The following PPTC7 variants were observed in gnomAD, a reference collection of about 807,000 sequenced individuals.
The protein encoded by PPTC7 is protein phosphatase PTC7 homolog.
In PPTC7, 6 loss-of-function variants were observed where a neutral mutation model predicts 30.8. The observed-to-expected ratio is 0.19, with a 90% CI of 0.11 to 0.38. The LOEUF (loss-of-function observed/expected upper bound fraction) is 0.38. Ranked by LOEUF, PPTC7 falls within the 10% of genes least tolerant of loss-of-function variation. The pLI, the probability that PPTC7 is intolerant of heterozygous loss-of-function variation, is 1.00. For missense variants in PPTC7, 218 were observed against 404.8 expected, an observed-to-expected ratio of 0.54 and a Z score of 3.96; for synonymous variants, 163 against 168.1, an observed-to-expected ratio of 0.97 and a Z score of 0.23.
intron 3 of PPTC7, among the ~76,000 whole-genome samples, chr12:110,542,230 A>G (rs1488069639): frequency 6.6e-6 from 1 of 152,172 alleles, no homozygotes; most frequent in East Asian, 1.9e-4. Context: ...AATTGGGGGA[A>G]AAAACTCTTC....
intron 1 of PPTC7, among the ~76,000 whole-genome samples, chr12:110,575,127 C>T (rs115643764): frequency 2.0e-5 from 3 of 151,786 alleles, no homozygotes; most frequent in Admixed American, 6.6e-5. Flanking sequence ...GACTCCCAAA[C>T]AAGACAGACT....
intron 1 of PPTC7, among the ~76,000 whole-genome samples, chr12:110,579,205 A>G (rs2064615614): frequency 6.6e-6 from 1 of 152,126 alleles, no homozygotes; most frequent in East Asian, 1.9e-4. Flanking sequence ...AGTCACCATC[A>G]TATGAACTGG....
At chr12:110,573,371 T>C (rs1291325177) in intron 1 of PPTC7, among the ~76,000 whole-genome samples, 2 of 152,330 alleles carry the variant, frequency 1.3e-5, no homozygotes, top group South Asian at 2.1e-4. Flanking sequence ...TGATGGGCTA[T>C]ACATGCAGGA....
In PPTC7 at chr12:110,551,861, C is replaced by G; in HGVS notation, c.331G>C (p.Val111Leu). ...AGAATTCCAATGGGATTACTAGGTA[C>G]GAACCGTCCTTCTTTTACTAAACGT... ...CERLVKEGRF[V>L]PSNPIGILTT... Residue 111 changes from valine (V) to leucine (L), a missense_variant, in exon 2 of 6, where the codon GTA becomes CTA. By Grantham distance (32) the Val-to-Leu change is conservative. Transcript: ENST00000354300. 6.2e-7 allele frequency: 1 copy of G among 1,614,150 alleles called. No homozygotes were observed.
At position 110,566,091 on chromosome 12, in the gene PPTC7, A is replaced by G. The variant is rs141729891; in HGVS notation, c.224-14123T>C. On this transcript the variant is annotated intron_variant, in intron 1 of 5. Coordinates refer to ENST00000354300, the MANE Select transcript of PPTC7 (RefSeq NM_139283.2). ...AAACTTGACCTCCAGGTAAATGTCT[A>G]TTACATTCATGCCAGGAACCTCTCA... Among the ~76,000 whole-genome samples the G allele has an allele frequency of 1.4e-4, 21 of 152,324 alleles. No homozygotes were observed. In the East Asian group the frequency reaches 3.5e-3, roughly 25 times the overall value.
At chr12:110,574,010 C>CT (rs1447206844) in intron 1 of PPTC7, among the ~76,000 whole-genome samples, 2 of 150,860 alleles carry the variant, frequency 1.3e-5, no homozygotes, top group Non-Finnish European at 3.0e-5. Context: ...AATAAAGGCA[C>CT]TACACAGGCT....
chr12:110,542,673 CAAAAA>C (rs765332697), intron 3 of PPTC7, among the ~76,000 whole-genome samples: 2 of 26,790 alleles, frequency 7.5e-5, no homozygotes, highest in African/African-American at 3.5e-4. Context: ...GACTCTGTCT[CAAAAA>C]AAAAAAAAAA....
intron 2 of PPTC7, among the ~76,000 whole-genome samples, chr12:110,550,773 T>A (rs944321053): frequency 5.3e-5 from 8 of 152,214 alleles, no homozygotes; most frequent in African/African-American, 1.9e-4. Context: ...TACAAGATTA[T>A]CGGGGATCTA....
At chr12:110,553,313 C>T (rs945224005) in intron 1 of PPTC7, among the ~76,000 whole-genome samples, 10 of 151,524 alleles carry the variant, frequency 6.6e-5, no homozygotes, top group Non-Finnish European at 1.2e-4. Context: ...TCACGCCTGG[C>T]TTTTTTGTAT....
At chr12:110,552,514 A>G (rs1010467847) in intron 1 of PPTC7, among the ~76,000 whole-genome samples, 1 of 152,188 alleles carries the variant, frequency 6.6e-6, no homozygotes, top group Non-Finnish European at 1.5e-5. Context: ...CATTCCTTAC[A>G]TGGTTACTGA....
At chr12:110,569,839 G>T (rs1204270401) in intron 1 of PPTC7, among the ~76,000 whole-genome samples, 1 of 152,226 alleles carries the variant, frequency 6.6e-6, no homozygotes, top group Non-Finnish European at 1.5e-5. Flanking sequence ...GATTTAGAGA[G>T]TGGAAACAGT....
At chr12:110,581,512 T>C (rs2135801800) in intron 1 of PPTC7, among the ~76,000 whole-genome samples, 1 of 152,316 alleles carries the variant, frequency 6.6e-6, no homozygotes, top group South Asian at 2.1e-4. Context: ...GGGGTGGATT[T>C]GTACAATTTC....
In PPTC7 at chr12:110,582,795, G is replaced by T; in HGVS notation, c.223+14C>A. The T allele has an allele frequency of 6.5e-7, 1 of 1,548,760 alleles. No individual in the cohort carries two copies. Among genetic ancestry groups the T allele is most frequent in the Non-Finnish European group, 8.7e-7 (1 of 1,146,568 alleles). Reference sequence around the variant, plus strand: ...ATCCGAGGCTGGGGCAAGGGAACCGGGTCGGGGACTCACCGAGCACGTCCG... The same window carrying T: ...ATCCGAGGCTGGGGCAAGGGAACCGTGTCGGGGACTCACCGAGCACGTCCG... On this transcript the variant is annotated intron_variant, in intron 1 of 5. Transcript: ENST00000354300.
intron 2 of PPTC7, among the ~76,000 whole-genome samples, chr12:110,550,969 T>A (rs2064345930): frequency 6.6e-6 from 1 of 152,252 alleles, no homozygotes; most frequent in Non-Finnish European, 1.5e-5. Context: ...TTTAACTTTT[T>A]ATGTTTCTAA....
chr12:110,560,489 G>A (rs1318335632), intron 1 of PPTC7, among the ~76,000 whole-genome samples: 1 of 152,084 alleles, frequency 6.6e-6, no homozygotes, highest in Non-Finnish European at 1.5e-5. Context: ...TCACCTAACT[G>A]TGTAATTGCA....
rs142381045 is a variant in PPTC7, at chr12:110,578,358, C to T, written c.223+4451G>A. ...GAAGAAGGAACAAGAAAAGTGTACACGGCTCCCGCTAGTACTGGTTTACTC... is the reference window on the plus strand; with the variant it reads ...GAAGAAGGAACAAGAAAAGTGTACATGGCTCCCGCTAGTACTGGTTTACTC... On this transcript the variant is annotated intron_variant, in intron 1 of 5. Coordinates refer to ENST00000354300, the MANE Select transcript of PPTC7 (RefSeq NM_139283.2). 5.3e-5 allele frequency among the ~76,000 whole-genome samples: 8 copies of T among 152,278 alleles called. No homozygotes were observed. In the South Asian group the frequency reaches 8.3e-4, roughly 16 times the overall value.
intron 1 of PPTC7, among the ~76,000 whole-genome samples, chr12:110,562,587 G>A (rs1440173442): frequency 6.6e-6 from 1 of 152,018 alleles, no homozygotes; most frequent in Non-Finnish European, 1.5e-5. Context: ...GAGGTCAGGA[G>A]TTTGAGACCA....
rs888944853 is a variant in PPTC7, at chr12:110,568,222, G to A, written c.223+14587C>T. Among the ~76,000 whole-genome samples, 35 of 151,182 alleles carry A rather than the reference G, an allele frequency of 2.3e-4. 1 individual carries two copies. Among genetic ancestry groups the A allele is most frequent in the Admixed American group, 1.3e-4 (2 of 15,170 alleles). ...GCTTACTGAAAAACCCTTCTCTTAAGGCCTGACGTTGTGCCCCTACAATCT... is the reference window on the plus strand; with the variant it reads ...GCTTACTGAAAAACCCTTCTCTTAAAGCCTGACGTTGTGCCCCTACAATCT... On this transcript the variant is annotated intron_variant, in intron 1 of 5. Coordinates refer to ENST00000354300, the MANE Select transcript of PPTC7 (RefSeq NM_139283.2).
At chr12:110,557,996 CA>C (rs1441075173) in intron 1 of PPTC7, among the ~76,000 whole-genome samples, 1 of 152,144 alleles carries the variant, frequency 6.6e-6, no homozygotes, top group African/African-American at 2.4e-5. Flanking sequence ...AACTACAATT[CA>C]AGATGAAATT....
Sources: gnomAD v4.1 joint callset for allele counts (sites outside exome capture counted in the v4.1 genomes callset) on GRCh38, gnomAD v4.1.1 for gene constraint, MANE v1.5 for transcripts, NCBI Gene and HGNC (gene_info 2026-07-23, HGNC 2026-07-21) for gene names.